Variants in UBE2E2 observed in about 807,000 individuals in gnomAD.
UBE2E2 encodes ubiquitin conjugating enzyme E2 E2.
A neutral mutation model predicts 24.7 loss-of-function variants in UBE2E2; 6 were observed. The observed-to-expected ratio is 0.24, with a 90% CI of 0.13 to 0.48. The LOEUF is 0.48. UBE2E2 is among the 20% of genes least tolerant of loss of function. UBE2E2 has a pLI of 0.99. For synonymous variants in UBE2E2, 104 were observed against 83.6 expected (o/e 1.24, Z -1.33); for missense variants, 169 against 245.0 (o/e 0.69, Z 2.07).
At chr3:23,332,690 TG>T (rs1695094989) in intron 3 of UBE2E2, among the ~76,000 whole-genome samples, 4 of 148,852 alleles carry the variant, frequency 2.7e-5, no homozygotes. Flanking sequence ...TGTGTGTGTG[TG>T]TGTGTGTGTG....
intron 3 of UBE2E2, among the ~76,000 whole-genome samples, chr3:23,354,450 G>T (rs898756755): frequency 1.3e-5 from 2 of 152,114 alleles, no homozygotes; most frequent in Non-Finnish European, 2.9e-5. Flanking sequence ...CAGGCAACCT[G>T]CAAAATGGGT....
intron 3 of UBE2E2, among the ~76,000 whole-genome samples, chr3:23,229,643 A>G (rs1376190677): frequency 6.6e-6 from 1 of 152,292 alleles, no homozygotes; most frequent in African/African-American, 2.4e-5. Context: ...TCAGAGCTCA[A>G]GTGTTTTGAG....
intron 2 of UBE2E2, among the ~76,000 whole-genome samples, chr3:23,210,632 T>C (rs1696296849): frequency 1.3e-5 from 2 of 152,324 alleles, no homozygotes; most frequent in Middle Eastern, 3.4e-3. Context: ...TTTTCTGCAC[T>C]GTATGTAGGA....
At chr3:23,448,144 G>A (rs1334758598) in intron 3 of UBE2E2, among the ~76,000 whole-genome samples, 1 of 151,994 alleles carries the variant, frequency 6.6e-6, no homozygotes, top group African/African-American at 2.4e-5. Context: ...GGTCTTTTAG[G>A]GTAGACAGGA....
chr3:23,382,114 T>C (rs1696683910), intron 3 of UBE2E2, among the ~76,000 whole-genome samples: 1 of 152,174 alleles, frequency 6.6e-6, no homozygotes, highest in South Asian at 2.1e-4. Context: ...TTATTAGGTA[T>C]ATTTTATGAA....
chr3:23,405,187 A>G (rs1031072713), intron 3 of UBE2E2, among the ~76,000 whole-genome samples: 4 of 152,298 alleles, frequency 2.6e-5, no homozygotes, highest in Admixed American at 2.0e-4. Context: ...GTGGTAGACC[A>G]TTGTAGGTTT....
chr3:23,372,072 C>T (rs1696412372), intron 3 of UBE2E2, among the ~76,000 whole-genome samples: 2 of 152,058 alleles, frequency 1.3e-5, no homozygotes, highest in Admixed American at 1.3e-4. Flanking sequence ...GAGCCGAGAT[C>T]ACGCCACTGC....
chr3:23,212,340 T>C (rs1343238406), intron 2 of UBE2E2, among the ~76,000 whole-genome samples: 1 of 152,194 alleles, frequency 6.6e-6, no homozygotes, highest in African/African-American at 2.4e-5. Flanking sequence ...TCTTGATATG[T>C]CTATATCACT....
chr3:23,586,486 G>T (rs1225981419), intron 5 of UBE2E2, among the ~76,000 whole-genome samples: 1 of 151,878 alleles, frequency 6.6e-6, no homozygotes, highest in African/African-American at 2.4e-5. Context: ...TTGTGGAGTT[G>T]GGGGTCTCAG....
At chr3:23,464,902 AT>A (rs1460307398) in intron 3 of UBE2E2, among the ~76,000 whole-genome samples, 1 of 152,224 alleles carries the variant, frequency 6.6e-6, no homozygotes, top group Non-Finnish European at 1.5e-5. Context: ...CTAAATACAA[AT>A]CATAAAATTA....
At chr3:23,542,180 C>T (rs1157316456) in intron 5 of UBE2E2, among the ~76,000 whole-genome samples, 1 of 152,126 alleles carries the variant, frequency 6.6e-6, no homozygotes, top group Admixed American at 6.6e-5. Context: ...GTACATTTAT[C>T]TGAGGGATGT....
At chr3:23,517,986 A>T (rs2125472057) in intron 4 of UBE2E2, among the ~76,000 whole-genome samples, 1 of 152,138 alleles carries the variant, frequency 6.6e-6, no homozygotes, top group African/African-American at 2.4e-5. Flanking sequence ...TTTTTTTTTC[A>T]CACAATTCTG....
intron 3 of UBE2E2, among the ~76,000 whole-genome samples, chr3:23,251,977 A>T (rs1480603308): frequency 1.3e-5 from 2 of 152,224 alleles, no homozygotes; most frequent in East Asian, 3.9e-4. Context: ...TTCAAATGAA[A>T]ATTATGTTAA....
intron 4 of UBE2E2, among the ~76,000 whole-genome samples, chr3:23,509,221 A>G (rs776355438): frequency 1.3e-5 from 2 of 152,210 alleles, no homozygotes; most frequent in South Asian, 2.1e-4. Flanking sequence ...ACTGAGCCAG[A>G]TGAAGCTTCA....
At position 23,419,151 on chromosome 3, in the gene UBE2E2, T is replaced by A. The variant is rs142482316; in HGVS notation, c.228-80457T>A. 5.5e-4 allele frequency among the ~76,000 whole-genome samples: 83 copies of A among 152,182 alleles called. No homozygotes were observed. In the East Asian group the frequency reaches 8.1e-3, roughly 15 times the overall value. ...TTATTTTTATGTTTTATTTTGTAGA[T>A]GTGAGGTTTTGCTGTGTTGTCCAGG... On this transcript the variant is annotated intron_variant, in intron 3 of 5. Transcript: ENST00000396703.
intron 3 of UBE2E2, among the ~76,000 whole-genome samples, chr3:23,385,088 A>C (rs1696776470): frequency 6.6e-6 from 1 of 152,068 alleles, no homozygotes; most frequent in Admixed American, 6.5e-5. Flanking sequence ...ACACTACCAC[A>C]CCTGGCCAAT....
At chr3:23,445,920 T>G (rs578084830) in intron 3 of UBE2E2, among the ~76,000 whole-genome samples, 7 of 152,300 alleles carry the variant, frequency 4.6e-5, no homozygotes, top group Non-Finnish European at 7.4e-5. Context: ...ATCAGCATTG[T>G]GACTTCTCTT....
chr3:23,490,177 T>C (rs142458729), intron 3 of UBE2E2, among the ~76,000 whole-genome samples: 41 of 152,332 alleles, frequency 2.7e-4, no homozygotes, highest in African/African-American at 9.1e-4. Flanking sequence ...ATAAAAAAAT[T>C]GAACTCTAGA....
chr3:23,235,270 TGGG>T (rs1697074825), intron 3 of UBE2E2, among the ~76,000 whole-genome samples: 2 of 151,914 alleles, frequency 1.3e-5, no homozygotes, highest in African/African-American at 2.4e-5. Flanking sequence ...AGTTTTATTT[TGGG>T]TTGAGAAAGC....
Sources: allele counts gnomAD v4.1 joint callset (sites outside exome capture counted in the v4.1 genomes callset), GRCh38; gene constraint gnomAD v4.1.1; transcripts MANE v1.5; gene names NCBI Gene and HGNC (gene_info 2026-07-23, HGNC 2026-07-21).